Variants in AUTS2 observed in about 807,000 individuals in gnomAD.
The protein encoded by AUTS2 is autism susceptibility gene 2 protein.
AUTS2 carries 17 observed loss-of-function variants against 112.4 expected under a neutral mutation model. The ratio of observed to expected loss-of-function variants is 0.15; its 90% CI spans 0.10 to 0.23. AUTS2 has a LOEUF of 0.23. Among genes scored for constraint, AUTS2 ranks in the 10% least tolerant of loss-of-function variants. AUTS2 has a pLI of 1.00. For synonymous variants in AUTS2, 751 were observed against 702.7 expected, an observed-to-expected ratio of 1.07 and a Z score of -1.09; for missense variants, 1,510 against 1,701.6, an observed-to-expected ratio of 0.89 and a Z score of 1.98.
chr7:70,119,685 A>T (rs1159138566), intron 3 of AUTS2: 1 of 152,084 alleles, frequency 6.6e-6, no homozygotes, highest in Admixed American at 6.6e-5. Context: ...TTTAGTAGAG[A>T]TGGGGTTTCT....
chr7:70,672,095 T>C (rs544654727), intron 5 of AUTS2, among the ~76,000 whole-genome samples: 42 of 152,246 alleles, frequency 2.8e-4, no homozygotes, highest in African/African-American at 9.9e-4. Context: ...GAAATCCCAA[T>C]GAGGTCATCT....
intron 1 of AUTS2, among the ~76,000 whole-genome samples, chr7:69,603,224 A>T (rs1792530111): frequency 6.6e-6 from 1 of 152,202 alleles, no homozygotes; most frequent in Non-Finnish European, 1.5e-5. Context: ...GCCAGTTCAG[A>T]GCAATAGCTG....
Position 69,660,702 on chromosome 7 carries a change from G to C in AUTS2, c.309+60740G>C, listed in dbSNP as rs139907071. ...AATCCCAGCACTTTGGGAGGCTGAG[G>C]TGGGCAGATCACGAGGTCAGGAGAT... is the stretch of plus-strand genomic sequence containing the variant. On this transcript the variant is annotated intron_variant, in intron 1 of 18. Transcript: ENST00000342771. 5.7e-4 allele frequency among the ~76,000 whole-genome samples: 87 copies of C among 152,312 alleles called. 1 individual carries two copies. The East Asian group carries it at 0.016, about 28-fold the overall frequency.
At chr7:70,512,276 G>A (rs868309607) in intron 5 of AUTS2, among the ~76,000 whole-genome samples, 4 of 152,142 alleles carry the variant, frequency 2.6e-5, no homozygotes, top group East Asian at 3.8e-4. Context: ...AGGCCTTTGC[G>A]GGGCTTTTTT....
intron 2 of AUTS2, among the ~76,000 whole-genome samples, chr7:70,076,243 G>T (rs979649871): frequency 6.6e-6 from 1 of 151,852 alleles, no homozygotes; most frequent in South Asian, 2.1e-4. Flanking sequence ...AAAAAGCATC[G>T]CATTAAAATC....
At chr7:70,174,935 C>T (rs766257014) in intron 4 of AUTS2, among the ~76,000 whole-genome samples, 1 of 152,090 alleles carries the variant, frequency 6.6e-6, no homozygotes, top group Non-Finnish European at 1.5e-5. Flanking sequence ...ATTCATGGAT[C>T]AAGAAGTAAT....
intron 5 of AUTS2, among the ~76,000 whole-genome samples, chr7:70,495,469 G>A (rs1798419197): frequency 6.6e-6 from 1 of 151,964 alleles, no homozygotes; most frequent in Admixed American, 6.6e-5. Context: ...CTCCTAGAGT[G>A]AGGTTGGTTA....
chr7:70,528,106 T>TATTA (rs1554421871), intron 5 of AUTS2, among the ~76,000 whole-genome samples: 11 of 62,558 alleles, frequency 1.8e-4, no homozygotes, highest in Admixed American at 3.4e-4. Context: ...TTTTTTTTTT[T>TATTA]TTTTTTTTTT....
intron 1 of AUTS2, among the ~76,000 whole-genome samples, chr7:69,667,322 T>A (rs1229974767): frequency 1.3e-5 from 2 of 151,352 alleles, no homozygotes; most frequent in African/African-American, 4.9e-5. Context: ...ACCATAGCAG[T>A]GCCAAAATCA....
chr7:70,420,298 G>A (rs1326411883), intron 4 of AUTS2, among the ~76,000 whole-genome samples: 1 of 152,166 alleles, frequency 6.6e-6, no homozygotes, highest in East Asian at 1.9e-4. Flanking sequence ...TGAAGTTGCT[G>A]TAGGTCTTGC....
At chr7:70,689,438 T>G (rs1413943343) in intron 5 of AUTS2, among the ~76,000 whole-genome samples, 1 of 151,906 alleles carries the variant, frequency 6.6e-6, no homozygotes, top group Non-Finnish European at 1.5e-5. Flanking sequence ...CTGTCCAGGT[T>G]CTGACCCTGT....
intron 5 of AUTS2, among the ~76,000 whole-genome samples, chr7:70,445,229 G>C (rs1263366466): frequency 6.6e-6 from 1 of 152,138 alleles, no homozygotes; most frequent in Admixed American, 6.5e-5. Context: ...TGAGGCATAA[G>C]TGATGGAGCT....
rs1019278480 is a variant in AUTS2 at position 70,395,335 on chromosome 7, C to G, written c.661-40417C>G. On this transcript the variant is annotated intron_variant, in intron 4 of 18. Coordinates refer to ENST00000342771, the MANE Select transcript of AUTS2 (RefSeq NM_015570.4). ...GAGAGGATCGCCTCTCACCAAGTTTCAGAGAGGTTATCCTGGCTCAAACTT... is the reference window on the plus strand; with the variant it reads ...GAGAGGATCGCCTCTCACCAAGTTTGAGAGAGGTTATCCTGGCTCAAACTT... Among the ~76,000 whole-genome samples, 9 of 152,276 alleles carry G rather than the reference C, an allele frequency of 5.9e-5. No homozygotes were observed. The East Asian group carries it at 1.4e-3, about 23-fold the overall frequency.
intron 1 of AUTS2, among the ~76,000 whole-genome samples, chr7:69,721,254 C>T (rs183639765): frequency 3.3e-5 from 5 of 152,288 alleles, no homozygotes; most frequent in Admixed American, 6.5e-5. Flanking sequence ...AAGGCTGTCA[C>T]GTTTACTTTT....
At chr7:70,197,491 T>C (rs1810244765) in intron 4 of AUTS2, among the ~76,000 whole-genome samples, 1 of 134,596 alleles carries the variant, frequency 7.4e-6, no homozygotes, top group East Asian at 2.2e-4. Context: ...GTGCGCACCG[T>C]GCGCGAGCCG....
At chr7:69,805,272 A>T (rs564024699) in intron 1 of AUTS2, among the ~76,000 whole-genome samples, 1 of 152,352 alleles carries the variant, frequency 6.6e-6, no homozygotes, top group South Asian at 2.1e-4. Context: ...GCTTTGCTCA[A>T]TGTTGGCATT....
chr7:69,768,747 G>A (rs1674742039), intron 1 of AUTS2, among the ~76,000 whole-genome samples: 2 of 152,154 alleles, frequency 1.3e-5, no homozygotes, highest in Non-Finnish European at 2.9e-5. Flanking sequence ...GAGAGGAGGG[G>A]AGCTGAGGGA....
intron 4 of AUTS2, among the ~76,000 whole-genome samples, chr7:70,259,651 A>G (rs575839474): frequency 1.3e-5 from 2 of 152,336 alleles, no homozygotes; most frequent in South Asian, 4.1e-4. Context: ...GGCATATGCC[A>G]CCTTGTTCTT....
intron 1 of AUTS2, among the ~76,000 whole-genome samples, chr7:69,629,443 A>T (rs990033463): frequency 1.3e-5 from 2 of 152,174 alleles, no homozygotes; most frequent in Non-Finnish European, 2.9e-5. Context: ...GGGGTCATAC[A>T]GGTAGCTGAG....
Sources: allele counts gnomAD v4.1 joint callset (sites outside exome capture counted in the v4.1 genomes callset), GRCh38; gene constraint gnomAD v4.1.1; transcripts MANE v1.5; gene names NCBI Gene and HGNC (gene_info 2026-07-23, HGNC 2026-07-21).